The following SCG5 variants were observed in gnomAD, a reference collection of about 807,000 sequenced individuals.
SCG5 encodes secretogranin V.
SCG5 carries 18 observed loss-of-function variants against 25.7 expected under a neutral mutation model. That is an observed-to-expected ratio of 0.70 (90% CI 0.48 to 1.04). The LOEUF is 1.04. Ranked by LOEUF, SCG5 falls within the 50% of genes least tolerant of loss-of-function variation. The pLI, the probability that SCG5 is intolerant of heterozygous loss-of-function variation, is 0.00. For synonymous variants in SCG5, 101 were observed against 91.7 expected, an observed-to-expected ratio of 1.10 and a Z score of -0.58; for missense variants, 206 against 259.8, an observed-to-expected ratio of 0.79 and a Z score of 1.42.
intron 2 of SCG5, among the ~76,000 whole-genome samples, chr15:32,650,515 C>A (rs2054017139): frequency 6.6e-6 from 1 of 152,226 alleles, no homozygotes; most frequent in Non-Finnish European, 1.5e-5. Flanking sequence ...GCTCACTGGT[C>A]TCCAAGACAT....
chr15:32,677,616 T>G (rs1259495383), intron 2 of SCG5: 1 of 147,546 alleles, frequency 6.8e-6, no homozygotes, highest in Non-Finnish European at 1.5e-5. Context: ...TTGCCTGGTT[T>G]TGCTCAAATG....
Position 32,691,724 on chromosome 15 carries a change from T to G in SCG5, c.504T>G (p.Leu168=). Residue 168 remains leucine (L), a synonymous_variant, in exon 5 of 6, where the codon CTT becomes CTG. Coordinates refer to ENST00000300175, the MANE Select transcript of SCG5 (RefSeq NM_001144757.3). ...CCCCATTCTAGAACAAGAAACTCCT[T>G]TACGAGAAGATGAAGGGAGGAGAGA... ...PGLGKWNKKL[L]YEKMKGGERR... 6.2e-7 allele frequency: 1 copy of G among 1,610,554 alleles called. No individual in the cohort carries two copies. The highest frequency in any genetic ancestry group is 8.5e-7 in the Non-Finnish European group (1 of 1,178,696).
In SCG5 at chr15:32,684,494, A is replaced by G. The variant is rs1223771545; in HGVS notation, c.377-63A>G. The G allele has an allele frequency of 2.0e-5, 21 of 1,065,402 alleles. No homozygotes were observed. In the South Asian group the frequency reaches 2.6e-4, roughly 13 times the overall value. The allele number at this position is 1,065,402 out of a possible 1,614,324, so 66.0% of individuals were successfully genotyped here. A position where few individuals can be genotyped will look rare whatever the true frequency, so the allele number is the denominator to read the frequency against. ...TTGGCTGCCTAGTTGTTTTTGATAA[A>G]TTAACTCTTAGAATAATGATGAATG... On this transcript the variant is annotated intron_variant, in intron 3 of 5. Transcript: ENST00000300175.
At chr15:32,684,527 C>A in intron 3 of SCG5, 30 bp from the exon 4 acceptor site, 1 of 1,359,950 alleles carries the variant, frequency 7.4e-7, no homozygotes, top group Non-Finnish European at 1.0e-6. Context: ...ATGTCTTGGC[C>A]GTTCCTCAAA....
intron 4 of SCG5, among the ~76,000 whole-genome samples, chr15:32,686,389 A>G (rs1232205646): frequency 6.6e-6 from 1 of 152,224 alleles, no homozygotes; most frequent in African/African-American, 2.4e-5. Context: ...AGTTATGATG[A>G]CTGTGAACAC....
intron 1 of SCG5, among the ~76,000 whole-genome samples, chr15:32,642,564 G>A (rs974757911): frequency 3.7e-4 from 25 of 67,886 alleles, no homozygotes; most frequent in African/African-American, 1.5e-3. Flanking sequence ...GTGAAACTCC[G>A]TCTCAAAAAA....
chr15:32,643,059 C>T (rs2053891307), intron 1 of SCG5, among the ~76,000 whole-genome samples: 1 of 152,194 alleles, frequency 6.6e-6, no homozygotes, highest in Admixed American at 6.5e-5. Context: ...TTCAGGATCG[C>T]AAACGTATTG....
At chr15:32,684,330 G>A (rs369696447) in intron 3 of SCG5, 24 of 494,230 alleles carry the variant, frequency 4.9e-5, no homozygotes, top group South Asian at 4.2e-4. Context: ...GGAGGAAAGG[G>A]AAGTGGGTTT....
chr15:32,667,683 T>TG, intron 2 of SCG5, among the ~76,000 whole-genome samples: 1 of 151,558 alleles, frequency 6.6e-6, no homozygotes, highest in East Asian at 1.9e-4. Flanking sequence ...TATTCTTTTT[T>TG]TTTTTTTGAG....
At chr15:32,687,124 G>A (rs982528851) in intron 4 of SCG5, among the ~76,000 whole-genome samples, 3 of 152,164 alleles carry the variant, frequency 2.0e-5, no homozygotes, top group Admixed American at 6.5e-5. Context: ...CCCAGTTGGT[G>A]GCATGATGAG....
chr15:32,669,855 C>T (rs1369032408), intron 2 of SCG5, among the ~76,000 whole-genome samples: 1 of 146,138 alleles, frequency 6.8e-6, no homozygotes. Flanking sequence ...ACAGCCAAAA[C>T]AAACACCGCT....
intron 2 of SCG5, among the ~76,000 whole-genome samples, chr15:32,648,961 CGG>C (rs1219647428): frequency 1.3e-5 from 2 of 152,074 alleles, no homozygotes; most frequent in Admixed American, 6.5e-5. Context: ...TTAGTAGAGA[CGG>C]GGTTTCACCG....
At chr15:32,642,053 G>T (rs2053871992) in intron 1 of SCG5, among the ~76,000 whole-genome samples, 1 of 152,122 alleles carries the variant, frequency 6.6e-6, no homozygotes, top group African/African-American at 2.4e-5. Flanking sequence ...CCTCGTGTCT[G>T]CCTCCAGCCT....
chr15:32,655,768 G>T (rs770855506), intron 2 of SCG5, among the ~76,000 whole-genome samples: 4 of 152,184 alleles, frequency 2.6e-5, no homozygotes, highest in African/African-American at 2.4e-5. Context: ...CACAGGAGAC[G>T]GAGCCACTGT....
chr15:32,680,237 C>A (rs2054595245), intron 3 of SCG5, among the ~76,000 whole-genome samples: 1 of 147,102 alleles, frequency 6.8e-6, no homozygotes, highest in Non-Finnish European at 1.5e-5. Context: ...GCTGTGTCAC[C>A]CAGGCTGGAG....
chr15:32,649,228 T>C (rs1158795639), intron 2 of SCG5, among the ~76,000 whole-genome samples: 1 of 152,226 alleles, frequency 6.6e-6, no homozygotes, highest in Non-Finnish European at 1.5e-5. Flanking sequence ...GGAATTAATG[T>C]ATAATATCAG....
chr15:32,694,390 T>G (rs978306000), intron 5 of SCG5, among the ~76,000 whole-genome samples: 2 of 152,240 alleles, frequency 1.3e-5, no homozygotes, highest in African/African-American at 4.8e-5. Context: ...CCTCATTGCT[T>G]CACAAATGAA....
intron 2 of SCG5, among the ~76,000 whole-genome samples, chr15:32,663,051 ATATATATATATATATATATATAT>A (rs2054253297): frequency 2.7e-5 from 2 of 75,278 alleles, no homozygotes; most frequent in Non-Finnish European, 4.9e-5. Context: ...ATATATATAT[ATATATATATATATATATATATAT>A]ATATAATATA....
At chr15:32,681,949 G>A (rs1450105935) in intron 3 of SCG5, among the ~76,000 whole-genome samples, 1 of 152,190 alleles carries the variant, frequency 6.6e-6, no homozygotes, top group Non-Finnish European at 1.5e-5. Flanking sequence ...CCAATGTGTG[G>A]CTGCTGGGCC....
Sources: gnomAD v4.1 joint callset for allele counts (sites outside exome capture counted in the v4.1 genomes callset) on GRCh38, gnomAD v4.1.1 for gene constraint, MANE v1.5 for transcripts, NCBI Gene and HGNC (gene_info 2026-07-23, HGNC 2026-07-21) for gene names.